The following NSRP1 variants were observed in gnomAD, a reference collection of about 807,000 sequenced individuals.
NSRP1 encodes the protein coiled-coil domain containing 55.
In NSRP1, 24 loss-of-function variants were observed where a neutral mutation model predicts 54.7. The observed-to-expected ratio is 0.44, with a 90% CI of 0.32 to 0.62. NSRP1 has a LOEUF of 0.62. Ranked by LOEUF, NSRP1 falls within the 20% of genes least tolerant of loss-of-function variation. NSRP1 has a pLI of 0.06. For synonymous variants in NSRP1, 210 were observed against 213.8 expected, an observed-to-expected ratio of 0.98 and a Z score of 0.15; for missense variants, 596 against 651.2, an observed-to-expected ratio of 0.92 and a Z score of 0.92.
intron 2 of NSRP1, among the ~76,000 whole-genome samples, chr17:30,130,775 C>T (rs936134581): frequency 2.0e-5 from 3 of 152,086 alleles, no homozygotes; most frequent in Non-Finnish European, 2.9e-5. Flanking sequence ...TCCAGGAATA[C>T]ACTGTTTCTT....
chr17:30,117,260 A>G, intron 1 of NSRP1: 2 of 600,058 alleles, frequency 3.3e-6, no homozygotes, highest in Admixed American at 3.2e-5. Context: ...TCTCCTTGGC[A>G]GAAGCTCAAG....
chr17:30,162,239 C>G (rs1286640283), intron 2 of NSRP1, among the ~76,000 whole-genome samples: 2 of 152,060 alleles, frequency 1.3e-5, no homozygotes, highest in African/African-American at 2.4e-5. Flanking sequence ...GCTGTTTTAG[C>G]CAGGATTGTC....
chr17:30,179,678 A>G (rs1004090544), intron 5 of NSRP1, among the ~76,000 whole-genome samples: 3 of 152,196 alleles, frequency 2.0e-5, no homozygotes, highest in African/African-American at 4.8e-5. Flanking sequence ...TGAGAAAATA[A>G]TAGAGTAACA....
intron 3 of NSRP1, among the ~76,000 whole-genome samples, chr17:30,175,799 C>T (rs1275878200): frequency 6.6e-6 from 1 of 152,044 alleles, no homozygotes; most frequent in Non-Finnish European, 1.5e-5. Context: ...AGTATATAGT[C>T]AGTTTTTATA....
intron 2 of NSRP1, among the ~76,000 whole-genome samples, chr17:30,165,208 T>C (rs140315016): frequency 6.6e-6 from 1 of 152,306 alleles, no homozygotes; most frequent in Non-Finnish European, 1.5e-5. Flanking sequence ...AAAGGAGTAG[T>C]GCAAGAAGTA....
chr17:30,170,939 A>G (rs1904908657), intron 2 of NSRP1, among the ~76,000 whole-genome samples: 1 of 152,022 alleles, frequency 6.6e-6, no homozygotes, highest in East Asian at 1.9e-4. Context: ...GCTAACCTTT[A>G]TTATTTTTTG....
intron 2 of NSRP1, among the ~76,000 whole-genome samples, chr17:30,129,396 G>A (rs908286564): frequency 4.0e-5 from 6 of 149,206 alleles, no homozygotes; most frequent in East Asian, 2.0e-4. Flanking sequence ...TAATTTTGAC[G>A]AATACAAGGA....
At chr17:30,178,232 C>T in intron 4 of NSRP1, 33 bp downstream of exon 4, 1 of 1,580,370 alleles carries the variant, frequency 6.3e-7, no homozygotes, top group Admixed American at 2.0e-5. Context: ...CTTTCTTTGA[C>T]CTTGACCTAC....
At chr17:30,130,664 A>G (rs2071691469) in intron 2 of NSRP1, among the ~76,000 whole-genome samples, 1 of 152,120 alleles carries the variant, frequency 6.6e-6, no homozygotes, top group Non-Finnish European at 1.5e-5. Context: ...AGTTTCTTTT[A>G]TCCCTACTTC....
chr17:30,147,705 T>C (rs962352236), intron 2 of NSRP1, among the ~76,000 whole-genome samples: 1 of 151,920 alleles, frequency 6.6e-6, no homozygotes, highest in East Asian at 1.9e-4. Context: ...TGTCGTGATC[T>C]GCCCGCCTCA....
chr17:30,118,527 T>A (rs975832088), intron 2 of NSRP1, among the ~76,000 whole-genome samples: 2 of 152,244 alleles, frequency 1.3e-5, no homozygotes, highest in Non-Finnish European at 2.9e-5. Flanking sequence ...AACCATGAGC[T>A]AAGATCACTA....
intron 2 of NSRP1, among the ~76,000 whole-genome samples, chr17:30,167,360 C>T (rs1480536380): frequency 6.6e-6 from 1 of 152,082 alleles, no homozygotes; most frequent in Non-Finnish European, 1.5e-5. Flanking sequence ...TCTGTAATCC[C>T]AGCACTTTGG....
rs1298270492 is a variant in NSRP1 at position 30,118,106 on chromosome 17, C to T, written c.47C>T (p.Thr16Ile). ...RQYGLILPKK[T>I]QQLHPVLQKP... ...TATGGGCTTATTTTGCCAAAGAAAA[C>T]ACAGCAGTTGCACCCTGTTTTGCAA... The change falls in exon 2 of 7, where the codon ACA becomes ATA. Residue 16 changes from threonine (T) to isoleucine (I), a missense_variant. Physicochemically the swap from Thr to Ile is moderately conservative, Grantham distance 89. Transcript: ENST00000247026. 26 of 1,613,060 alleles carry T rather than the reference C, an allele frequency of 1.6e-5. No homozygotes were observed. The highest frequency in any genetic ancestry group is 2.2e-5 in the Non-Finnish European group (26 of 1,179,486).
intron 5 of NSRP1, among the ~76,000 whole-genome samples, chr17:30,180,026 G>A (rs141843099): frequency 1.3e-4 from 20 of 151,990 alleles, no homozygotes; most frequent in African/African-American, 2.7e-4. Flanking sequence ...TTGTAGAGAC[G>A]GGGTCTCACT....
At chr17:30,132,568 A>G (rs1475277042) in intron 2 of NSRP1, among the ~76,000 whole-genome samples, 1 of 152,108 alleles carries the variant, frequency 6.6e-6, no homozygotes, top group Non-Finnish European at 1.5e-5. Context: ...AAAAGAAACC[A>G]TTTTCTTTGC....
At chr17:30,159,433 C>T (rs1397481487) in intron 2 of NSRP1, among the ~76,000 whole-genome samples, 1 of 151,934 alleles carries the variant, frequency 6.6e-6, no homozygotes, top group Non-Finnish European at 1.5e-5. Context: ...GTTTGACTTC[C>T]TCTTTTCCAG....
intron 2 of NSRP1, among the ~76,000 whole-genome samples, chr17:30,164,792 T>C (rs1480344214): frequency 2.6e-5 from 4 of 152,086 alleles, no homozygotes; most frequent in Admixed American, 6.6e-5. Context: ...AGCAAGACCC[T>C]GTCTCAAAAA....
At chr17:30,154,463 C>T (rs958024595) in intron 2 of NSRP1, 3 of 152,074 alleles carry the variant, frequency 2.0e-5, no homozygotes, top group South Asian at 2.1e-4. Context: ...CCTGTAATCC[C>T]AGCACTTTCT....
intron 5 of NSRP1, among the ~76,000 whole-genome samples, chr17:30,179,987 C>G (rs1905243739): frequency 6.6e-6 from 1 of 151,910 alleles, no homozygotes; most frequent in Non-Finnish European, 1.5e-5. Context: ...CGGGAACATA[C>G]CACCACGTCT....
Sources: gnomAD v4.1 joint callset for allele counts (sites outside exome capture counted in the v4.1 genomes callset) on GRCh38, gnomAD v4.1.1 for gene constraint, MANE v1.5 for transcripts, NCBI Gene and HGNC (gene_info 2026-07-23, HGNC 2026-07-21) for gene names.